Variants in NFATC3 observed in about 807,000 individuals in gnomAD.
NFATC3 encodes nuclear factor of activated T cells 3.
NFATC3 carries 46 observed loss-of-function variants against 98.6 expected under a neutral mutation model. The observed-to-expected ratio is 0.47, with a 90% CI of 0.37 to 0.60. The LOEUF (loss-of-function observed/expected upper bound fraction) is 0.60. NFATC3 is among the 20% of genes least tolerant of loss of function. NFATC3 has a pLI of 0.00. For missense variants in NFATC3, 1,256 were observed against 1,295.5 expected (o/e 0.97, Z 0.47); for synonymous variants, 512 against 472.2 (o/e 1.08, Z -1.09).
At position 68,183,284 on chromosome 16, in the gene NFATC3, T is replaced by C; in HGVS notation, c.2016T>C (p.Val672=). 1 of 1,607,280 alleles carries C rather than the reference T, an allele frequency of 6.2e-7. No individual in the cohort carries two copies. The highest frequency in any genetic ancestry group is 8.5e-7 in the Non-Finnish European group (1 of 1,178,176). The change falls in exon 8 of 10, where the codon GTT becomes GTC. Residue 672 remains valine, a synonymous_variant. Coordinates refer to ENST00000346183, the MANE Select transcript of NFATC3 (RefSeq NM_173165.3). ...LEVPPYHNPA[V]TAAVQVHFYL... ...TTCCTCCATATCATAACCCAGCAGT[T>C]ACAGCTGCAGTGCAGGTGCACTTTT... is the stretch of plus-strand genomic sequence containing the variant.
intron 7 of NFATC3, 73 bp downstream of exon 7, chr16:68,181,603 G>A (rs1026771010): frequency 6.2e-6 from 7 of 1,130,276 alleles, no homozygotes; most frequent in East Asian, 2.4e-5. Flanking sequence ...CTGCTTTATG[G>A]TATGGATGAC....
intron 1 of NFATC3, chr16:68,089,299 T>A: frequency 2.0e-6 from 2 of 983,430 alleles, no homozygotes. Context: ...TGAGATGGAC[T>A]TGATAACGCT....
intron 4 of NFATC3, among the ~76,000 whole-genome samples, chr16:68,160,900 G>T (rs914846118): frequency 1.3e-5 from 2 of 152,074 alleles, no homozygotes; most frequent in African/African-American, 4.8e-5. Context: ...GACCAGGCTG[G>T]TCTCGACCTC....
chr16:68,130,211 T>A (rs1019621940), intron 3 of NFATC3, among the ~76,000 whole-genome samples: 1 of 152,194 alleles, frequency 6.6e-6, no homozygotes, highest in Non-Finnish European at 1.5e-5. Context: ...TGTTTTTAAT[T>A]TTTTGAGTAA....
chr16:68,124,116 T>G (rs1197012568), intron 2 of NFATC3, among the ~76,000 whole-genome samples: 1 of 152,182 alleles, frequency 6.6e-6, no homozygotes, highest in African/African-American at 2.4e-5. Flanking sequence ...GATTTTTGTT[T>G]TGTTTTTTGA....
chr16:68,158,005 T>C lies in NFATC3; in HGVS notation c.1538T>C (p.Ile513Thr). The C allele has an allele frequency of 6.2e-7, 1 of 1,613,978 alleles. No homozygotes were observed. The highest frequency in any genetic ancestry group is 8.5e-7 in the Non-Finnish European group (1 of 1,179,912). Residue 513 changes from isoleucine (I) to threonine (T), a missense_variant, in exon 4 of 10, where the codon ATA becomes ACA. By Grantham distance (89) the Ile-to-Thr change is moderately conservative. This residue lies in a region of NFATC3 where 156 missense variants were observed against 212.4 expected (regional missense o/e 0.73). Transcript: ENST00000346183. Reference sequence around the variant, plus strand: ...ACAGTCGCTACTGCAAGCCAAGAGATAATAATTGCCAGTACAAAAGTTCTG... The same window carrying C: ...ACAGTCGCTACTGCAAGCCAAGAGACAATAATTGCCAGTACAAAAGTTCTG... Reference protein sequence around the residue: ...GKTVATASQEIIIASTKVLEI... With the variant: ...GKTVATASQETIIASTKVLEI...
chr16:68,207,652 C>T (rs867737669), intron 9 of NFATC3, among the ~76,000 whole-genome samples: 3 of 151,936 alleles, frequency 2.0e-5, no homozygotes, highest in Non-Finnish European at 2.9e-5. Context: ...TTAGTAAAAA[C>T]GGGGTTTCAC....
chr16:68,085,450 A>T lies in NFATC3; in HGVS notation c.-232A>T, dbSNP rs2034312326. 2.5e-6 allele frequency: 1 copy of T among 402,804 alleles called. No homozygotes were observed. The highest frequency in any genetic ancestry group is 4.8e-5 in the Admixed American group (1 of 20,776). The allele number at this position is 402,804 out of a possible 1,614,324, so 25.0% of individuals were successfully genotyped here. A position where few individuals can be genotyped will look rare whatever the true frequency, so the allele number is the denominator to read the frequency against. ...GGAACATTGGCTAAGCCGACAGTGG[A>T]GGCTTAGGCACCGGTGGCGGGCGGC... On this transcript the variant is annotated 5_prime_UTR_variant, in exon 1 of 10. Coordinates refer to ENST00000346183, the MANE Select transcript of NFATC3 (RefSeq NM_173165.3).
At chr16:68,148,913 G>T (rs939832348) in intron 3 of NFATC3, among the ~76,000 whole-genome samples, 5 of 152,138 alleles carry the variant, frequency 3.3e-5, no homozygotes, top group African/African-American at 1.2e-4. Context: ...GGAGGCTGAG[G>T]CAGAAGAATT....
chr16:68,096,958 T>G (rs1396322961), intron 1 of NFATC3, among the ~76,000 whole-genome samples: 1 of 152,184 alleles, frequency 6.6e-6, no homozygotes, highest in Non-Finnish European at 1.5e-5. Context: ...TCTACTATAC[T>G]GTGGGTAATA....
At chr16:68,100,717 G>A (rs76022979) in intron 1 of NFATC3, among the ~76,000 whole-genome samples, 60 of 151,912 alleles carry the variant, frequency 3.9e-4, no homozygotes, top group African/African-American at 1.4e-3. Context: ...CATTCTGATG[G>A]GTGTGTAGTG....
At chr16:68,110,837 G>T (rs1428839717) in intron 1 of NFATC3, among the ~76,000 whole-genome samples, 1 of 152,154 alleles carries the variant, frequency 6.6e-6, no homozygotes, top group South Asian at 2.1e-4. Context: ...ATATCCCAGA[G>T]ATTCTGGTAC....
chr16:68,167,125 G>C lies in NFATC3; in HGVS notation c.1774+110G>C. 1.8e-6 allele frequency: 2 copies of C among 1,142,258 alleles called. 1 individual carries two copies. The highest frequency in any genetic ancestry group is 2.5e-6 in the Non-Finnish European group (2 of 805,246). 70.8% of individuals were successfully genotyped at this position (1,142,258 alleles called of 1,614,324 possible). ...AAGTGCAAACTGAGGCATACAATCT[G>C]GGTTGCTGGTTTGATTTTCTCATGT... On this transcript the variant is annotated intron_variant, in intron 5 of 9. Coordinates refer to ENST00000346183, the MANE Select transcript of NFATC3 (RefSeq NM_173165.3).
intron 6 of NFATC3, among the ~76,000 whole-genome samples, chr16:68,175,018 A>T (rs1394014677): frequency 1.3e-5 from 2 of 152,234 alleles, no homozygotes; most frequent in Non-Finnish European, 2.9e-5. Context: ...AATGGAAACA[A>T]CCTAAATGCT....
chr16:68,124,360 G>T (rs960425022), intron 2 of NFATC3, among the ~76,000 whole-genome samples: 1 of 151,550 alleles, frequency 6.6e-6, no homozygotes, highest in Non-Finnish European at 1.5e-5. Flanking sequence ...TGATCCTCCT[G>T]CCTCAGTTTG....
rs1406978654 is a variant in NFATC3 at position 68,226,608 on chromosome 16, C to T, written c.*137C>T. On this transcript the variant is annotated 3_prime_UTR_variant, in exon 10 of 10. Coordinates refer to ENST00000346183, the MANE Select transcript of NFATC3 (RefSeq NM_173165.3). ...ACCATTTGTGGGGAAAGTAGCATTC[C>T]TCCACCTCAGGCCTTGGGTAGATTT... The T allele has an allele frequency of 4.9e-6, 5 of 1,020,324 alleles. No homozygotes were observed. Among genetic ancestry groups the T allele is most frequent in the Non-Finnish European group, 6.8e-6 (5 of 740,722 alleles). 63.2% of individuals were successfully genotyped at this position (1,020,324 alleles called of 1,614,324 possible). A position where few individuals can be genotyped will look rare whatever the true frequency, so the allele number is the denominator to read the frequency against.
intron 1 of NFATC3, among the ~76,000 whole-genome samples, chr16:68,098,191 A>G (rs1476897047): frequency 6.6e-6 from 1 of 151,750 alleles, no homozygotes; most frequent in Non-Finnish European, 1.5e-5. Flanking sequence ...TTGTATGGAC[A>G]CATCTTTCCC....
chr16:68,218,507 A>T, intron 9 of NFATC3, among the ~76,000 whole-genome samples: 1 of 122,330 alleles, frequency 8.2e-6, no homozygotes, highest in Non-Finnish European at 1.7e-5. Flanking sequence ...ACAGAATGAG[A>T]GCCTCTCAAA....
intron 9 of NFATC3, among the ~76,000 whole-genome samples, chr16:68,192,467 A>G (rs1680865978): frequency 6.6e-6 from 1 of 151,840 alleles, no homozygotes; most frequent in Non-Finnish European, 1.5e-5. Flanking sequence ...CACAGTGTCT[A>G]GAGAATGGAA....
Sources: allele counts gnomAD v4.1 joint callset (sites outside exome capture counted in the v4.1 genomes callset), GRCh38; gene constraint gnomAD v4.1.1; regional missense constraint gnomAD v4.1.1; transcripts MANE v1.5; gene names NCBI Gene and HGNC (gene_info 2026-07-23, HGNC 2026-07-21).